Variants in KCNIP4 observed in about 807,000 individuals in gnomAD.
KCNIP4 encodes potassium voltage-gated channel interacting protein 4, also known as Kv channel-interacting protein 4.
Under a neutral mutation model 34.0 loss-of-function variants are expected in KCNIP4, and 12 were observed. That is an observed-to-expected ratio of 0.35 (90% CI 0.23 to 0.57). KCNIP4 has a LOEUF of 0.57. Ranked by LOEUF, KCNIP4 falls within the 20% of genes least tolerant of loss-of-function variation. The pLI is 0.83. For missense variants in KCNIP4, 238 were observed against 311.7 expected (o/e 0.76, Z 1.78); for synonymous variants, 124 against 102.2 (o/e 1.21, Z -1.29).
chr4:21,047,160 C>T (rs1198458530), intron 1 of KCNIP4, among the ~76,000 whole-genome samples: 1 of 152,166 alleles, frequency 6.6e-6, no homozygotes, highest in African/African-American at 2.4e-5. Context: ...CCATGTGTGG[C>T]AATTTATTTG....
At chr4:21,148,536 G>C (rs1752545098) in intron 1 of KCNIP4, among the ~76,000 whole-genome samples, 1 of 151,988 alleles carries the variant, frequency 6.6e-6, no homozygotes, top group Non-Finnish European at 1.5e-5. Context: ...TTTACCAAAT[G>C]CTAATTATTT....
chr4:21,812,222 T>C (rs1055197320), intron 1 of KCNIP4, among the ~76,000 whole-genome samples: 1 of 152,208 alleles, frequency 6.6e-6, no homozygotes, highest in Non-Finnish European at 1.5e-5. Flanking sequence ...TGAATACTAT[T>C]AACTGGACTC....
chr4:21,092,577 C>G (rs919140940), intron 1 of KCNIP4, among the ~76,000 whole-genome samples: 1 of 152,174 alleles, frequency 6.6e-6, no homozygotes, highest in East Asian at 1.9e-4. Flanking sequence ...ACTCCTTCTT[C>G]CTTCCCACCT....
chr4:21,626,641 C>T (rs2109191878), intron 1 of KCNIP4, among the ~76,000 whole-genome samples: 1 of 152,146 alleles, frequency 6.6e-6, no homozygotes, highest in South Asian at 2.1e-4. Flanking sequence ...GTGGCAACTA[C>T]CCCATCTCAC....
chr4:21,408,037 T>A (rs1724150824), intron 1 of KCNIP4, among the ~76,000 whole-genome samples: 1 of 152,122 alleles, frequency 6.6e-6, no homozygotes, highest in Non-Finnish European at 1.5e-5. Flanking sequence ...AGTTAGAAAA[T>A]AGCTCAAAAC....
intron 1 of KCNIP4, among the ~76,000 whole-genome samples, chr4:21,797,258 G>A (rs73256557): frequency 0.35 from 52,606 of 151,984 alleles, 10,766 homozygotes; most frequent in Non-Finnish European, 0.48. Context: ...GGTGACCTCC[G>A]GGCCACTGTG....
At chr4:21,647,780 C>T (rs1747133848) in intron 1 of KCNIP4, among the ~76,000 whole-genome samples, 1 of 151,718 alleles carries the variant, frequency 6.6e-6, no homozygotes, top group African/African-American at 2.4e-5. Flanking sequence ...TTACGTACCC[C>T]ACTCAACCAT....
At chr4:21,754,241 A>T (rs1287875912) in intron 1 of KCNIP4, among the ~76,000 whole-genome samples, 1 of 152,106 alleles carries the variant, frequency 6.6e-6, no homozygotes, top group Non-Finnish European at 1.5e-5. Flanking sequence ...CTTCTAAAAA[A>T]TATCCATCTC....
chr4:21,224,899 C>A (rs1398689147), intron 1 of KCNIP4, among the ~76,000 whole-genome samples: 1 of 151,944 alleles, frequency 6.6e-6, no homozygotes, highest in African/African-American at 2.4e-5. Context: ...AATTTTTCAA[C>A]TTTACGATGA....
chr4:21,239,332 A>G (rs1219420351), intron 1 of KCNIP4, among the ~76,000 whole-genome samples: 1 of 150,988 alleles, frequency 6.6e-6, no homozygotes, highest in Non-Finnish European at 1.5e-5. Flanking sequence ...CTTCATGTCT[A>G]AAACACCAAA....
chr4:21,200,676 C>T (rs1007907000), intron 1 of KCNIP4, among the ~76,000 whole-genome samples: 1 of 151,738 alleles, frequency 6.6e-6, no homozygotes, highest in African/African-American at 2.4e-5. Context: ...GAAAAATTAT[C>T]TATTGGGTAC....
intron 1 of KCNIP4, among the ~76,000 whole-genome samples, chr4:21,189,345 G>T (rs994673508): frequency 1.3e-5 from 2 of 151,928 alleles, no homozygotes; most frequent in South Asian, 2.1e-4. Flanking sequence ...TCCAGCTCCT[G>T]GTCCTTTTTA....
At chr4:21,788,884 A>C (rs111529297) in intron 1 of KCNIP4, among the ~76,000 whole-genome samples, 16,938 of 151,702 alleles carry the variant, frequency 0.11, 2,820 homozygotes, top group African/African-American at 0.36. Context: ...ACCATCCTGG[A>C]CAACAAGGTG....
At chr4:21,341,648 C>T (rs1253675541) in intron 1 of KCNIP4, among the ~76,000 whole-genome samples, 1 of 152,092 alleles carries the variant, frequency 6.6e-6, no homozygotes, top group Non-Finnish European at 1.5e-5. Context: ...GACAATATCT[C>T]CTTCTTGAAA....
At chr4:21,076,022 G>A (rs151204092) in intron 1 of KCNIP4, among the ~76,000 whole-genome samples, 3,155 of 152,170 alleles carry the variant, frequency 0.021, 46 homozygotes, top group Non-Finnish European at 0.03. Context: ...TAGTCTGACG[G>A]GTTTCCCTTT....
intron 1 of KCNIP4, among the ~76,000 whole-genome samples, chr4:21,570,779 A>G (rs1740307443): frequency 6.6e-6 from 1 of 152,086 alleles, no homozygotes; most frequent in Non-Finnish European, 1.5e-5. Context: ...TCATAATTAC[A>G]ATGTTTATCC....
intron 1 of KCNIP4, among the ~76,000 whole-genome samples, chr4:20,969,556 T>G (rs76792185): frequency 0.012 from 1,750 of 149,750 alleles, 58 homozygotes; most frequent in African/African-American, 0.04. Context: ...GCGTGTGTGT[T>G]TGTGTGTGTG....
chr4:21,858,682 G>A (rs912056944), intron 1 of KCNIP4, among the ~76,000 whole-genome samples: 1 of 152,162 alleles, frequency 6.6e-6, no homozygotes, highest in Admixed American at 6.5e-5. Flanking sequence ...TAAAAGCAAG[G>A]TAACTTGCCA....
At chr4:21,074,425 A>G (rs1745282370) in intron 1 of KCNIP4, among the ~76,000 whole-genome samples, 1 of 152,164 alleles carries the variant, frequency 6.6e-6, no homozygotes, top group African/African-American at 2.4e-5. Flanking sequence ...TTATTTGCAT[A>G]GAGGTGTTTA....
Sources: gnomAD v4.1 joint callset for allele counts (sites outside exome capture counted in the v4.1 genomes callset) on GRCh38, gnomAD v4.1.1 for gene constraint, MANE v1.5 for transcripts, NCBI Gene and HGNC (gene_info 2026-07-23, HGNC 2026-07-21) for gene names.